Variants in RANBP17 observed in about 807,000 individuals in gnomAD.
RANBP17 encodes the protein ran-binding protein 17.
Under a neutral mutation model 141.2 loss-of-function variants are expected in RANBP17, and 158 were observed. The observed-to-expected ratio is 1.12, with a 90% confidence interval of 0.98 to 1.28. The LOEUF (loss-of-function observed/expected upper bound fraction) is 1.28. Among genes scored for constraint, RANBP17 ranks in the 50% most tolerant of loss-of-function variants. The probability of loss-of-function intolerance (pLI) is 0.00; values close to 1 mark genes in which losing one functional copy is unlikely to be tolerated. For synonymous variants in RANBP17, 430 were observed against 450.0 expected (o/e 0.96, Z 0.56); for missense variants, 1,438 against 1,290.7 (o/e 1.11, Z -1.75).
rs552539134 is a variant in RANBP17, at chr5:170,878,201, A to G, written c.123A>G (p.Pro41=). ...EKALLELIDS[P]ECLSKCQLLL... ...CACTCTTGGAACTTATTGACAGTCC[A>G]GAATGTCTCAGCAAGTGTCAACTTT... The change falls in exon 2 of 28, where the codon CCA becomes CCG. Residue 41 remains proline, a synonymous_variant. Coordinates refer to ENST00000523189, the MANE Select transcript of RANBP17 (RefSeq NM_022897.5). 2 of 1,612,224 alleles carry G rather than the reference A, an allele frequency of 1.2e-6. No homozygotes were observed. The highest frequency in any genetic ancestry group is 8.5e-7 in the Non-Finnish European group (1 of 1,179,210).
intron 14 of RANBP17, 141 bp downstream of exon 14, chr5:170,968,518 A>G (rs777064223): frequency 1.0e-4 from 80 of 780,644 alleles, no homozygotes; most frequent in Non-Finnish European, 1.6e-4. Flanking sequence ...ATGAAGTGCA[A>G]TGTAAAATTA....
chr5:171,017,791 C>A (rs537278115), intron 14 of RANBP17, among the ~76,000 whole-genome samples: 1 of 152,250 alleles, frequency 6.6e-6, no homozygotes, highest in African/African-American at 2.4e-5. Flanking sequence ...GTTTTTGTTG[C>A]AATTGCTTTT....
chr5:171,245,379 A>G (rs1333295346), intron 24 of RANBP17, among the ~76,000 whole-genome samples: 1 of 152,194 alleles, frequency 6.6e-6, no homozygotes, highest in Non-Finnish European at 1.5e-5. Flanking sequence ...CAACAGCACA[A>G]TCTCAGCCCA....
At chr5:171,094,078 ATTTG>A (rs1786503765) in intron 14 of RANBP17, among the ~76,000 whole-genome samples, 1 of 152,160 alleles carries the variant, frequency 6.6e-6, no homozygotes, top group Admixed American at 6.5e-5. Flanking sequence ...ATATCTTGTT[ATTTG>A]TTAGCTCTGT....
Position 171,298,780 on chromosome 5 carries a change from T to C in RANBP17, c.3189T>C (p.Ser1063=). The C allele has an allele frequency of 1.2e-6, 2 of 1,614,064 alleles. No individual in the cohort carries two copies. Among genetic ancestry groups the C allele is most frequent in the Non-Finnish European group, 8.5e-7 (1 of 1,179,900 alleles). ...TCTGCAGGTTCACCCAAAATCTGTC[T>C]GTATTCAGAAGAGATGTGGCAGAGG... is the stretch of plus-strand genomic sequence containing the variant. ...KNRDRFTQNL[S]VFRRDVAEAL... Residue 1063 remains serine, a synonymous_variant, in exon 28 of 28, where the codon TCT becomes TCC. Transcript: ENST00000523189.
intron 3 of RANBP17, among the ~76,000 whole-genome samples, chr5:170,887,183 A>G (rs1769235498): frequency 6.6e-6 from 1 of 152,142 alleles, no homozygotes; most frequent in African/African-American, 2.4e-5. Context: ...TGCAGTTTGG[A>G]AAGCGGTTCC....
At chr5:170,936,261 G>A (rs1410614407) in intron 12 of RANBP17, among the ~76,000 whole-genome samples, 3 of 152,066 alleles carry the variant, frequency 2.0e-5, no homozygotes, top group Non-Finnish European at 4.4e-5. Flanking sequence ...GCAATGCCCC[G>A]CCGTGCTAGG....
At chr5:171,292,591 G>A (rs1768557412) in intron 25 of RANBP17, among the ~76,000 whole-genome samples, 1 of 152,184 alleles carries the variant, frequency 6.6e-6, no homozygotes. Flanking sequence ...TGTGTGCAGT[G>A]GTCTTTGCCA....
intron 12 of RANBP17, among the ~76,000 whole-genome samples, chr5:170,940,811 A>G (rs2127474695): frequency 6.6e-6 from 1 of 152,274 alleles, no homozygotes; most frequent in East Asian, 1.9e-4. Flanking sequence ...TCTCCAGGGC[A>G]CATGGCGTGT....
chr5:171,287,490 CAAA>C (rs1188089542), intron 25 of RANBP17, among the ~76,000 whole-genome samples: 2 of 117,494 alleles, frequency 1.7e-5, no homozygotes, highest in Admixed American at 8.6e-5. Context: ...AACTCCATCT[CAAA>C]AAAAAAAAAA....
chr5:171,111,728 CT>C (rs1755245020), intron 14 of RANBP17, among the ~76,000 whole-genome samples: 1 of 152,202 alleles, frequency 6.6e-6, no homozygotes. Context: ...CTCTGGAATG[CT>C]CTCTAACTTT....
chr5:170,898,653 G>C (rs187797915), intron 5 of RANBP17, among the ~76,000 whole-genome samples: 2 of 152,234 alleles, frequency 1.3e-5, no homozygotes, highest in Non-Finnish European at 2.9e-5. Flanking sequence ...ATGATGTTAG[G>C]TCTTATATTT....
chr5:171,121,533 T>G (rs985566140), intron 14 of RANBP17, among the ~76,000 whole-genome samples: 1 of 152,176 alleles, frequency 6.6e-6, no homozygotes, highest in Admixed American at 6.5e-5. Flanking sequence ...GCTGGCCCAG[T>G]AGCATGTTGG....
At chr5:171,171,421 T>G in intron 16 of RANBP17, 135 bp downstream of exon 16, 1 of 499,952 alleles carries the variant, frequency 2.0e-6, no homozygotes, top group Non-Finnish European at 3.6e-6. Context: ...TAGCCTTATC[T>G]GTAAATGCAT....
chr5:171,200,008 T>C (rs952523655), intron 19 of RANBP17, among the ~76,000 whole-genome samples: 1 of 152,222 alleles, frequency 6.6e-6, no homozygotes, highest in African/African-American at 2.4e-5. Flanking sequence ...GACATAGATT[T>C]GTTTCCTCTG....
intron 14 of RANBP17, among the ~76,000 whole-genome samples, chr5:171,165,173 A>G (rs183277050): frequency 6.6e-6 from 1 of 152,044 alleles, no homozygotes; most frequent in Non-Finnish European, 1.5e-5. Context: ...CCCATAAAGT[A>G]GGTTTTTTTG....
At chr5:170,918,160 A>G (rs1772125308) in intron 9 of RANBP17, 1 of 152,072 alleles carries the variant, frequency 6.6e-6, no homozygotes, top group Non-Finnish European at 1.5e-5. Context: ...TATTTGCTCA[A>G]CTTTATTCCT....
At chr5:171,086,414 T>C (rs1310593384) in intron 14 of RANBP17, among the ~76,000 whole-genome samples, 1 of 151,810 alleles carries the variant, frequency 6.6e-6, no homozygotes, top group East Asian at 1.9e-4. Context: ...AGGATATTGG[T>C]CTAAAATTCT....
At position 171,205,549 on chromosome 5, in the gene RANBP17, A is replaced by C; in HGVS notation, c.2168A>C (p.Asp723Ala). 6.2e-7 allele frequency: 1 copy of C among 1,613,972 alleles called. No individual in the cohort carries two copies. Among genetic ancestry groups the C allele is most frequent in the African/African-American group, 1.3e-5 (1 of 75,022 alleles). Reference protein sequence around the residue: ...VKRMLIGLARDLRGIAFALNT... With the variant: ...VKRMLIGLARALRGIAFALNT... ...CGTATGTTGATCGGGCTGGCAAGAGATCTTCGAGGGATTGCCTTTGCACTG... is the reference window on the plus strand; with the variant it reads ...CGTATGTTGATCGGGCTGGCAAGAGCTCTTCGAGGGATTGCCTTTGCACTG... Residue 723 changes from aspartate (D) to alanine (A), a missense_variant, in exon 20 of 28, where the codon GAT becomes GCT. Transcript: ENST00000523189.
Sources: gnomAD v4.1 joint callset for allele counts (sites outside exome capture counted in the v4.1 genomes callset) on GRCh38, gnomAD v4.1.1 for gene constraint, MANE v1.5 for transcripts, NCBI Gene and HGNC (gene_info 2026-07-23, HGNC 2026-07-21) for gene names.